RAB27B: variants seen among roughly 807,000 people sequenced by gnomAD.
The protein encoded by RAB27B is ras-related protein Rab-27B.
A neutral mutation model predicts 24.6 loss-of-function variants in RAB27B; 15 were observed. The observed-to-expected ratio is 0.61, with a 90% CI of 0.41 to 0.94. RAB27B has a LOEUF of 0.94. Ranked by LOEUF, RAB27B falls within the 40% of genes least tolerant of loss-of-function variation. RAB27B has a pLI of 0.00. For missense variants in RAB27B, 261 were observed against 266.8 expected, an observed-to-expected ratio of 0.98 and a Z score of 0.15; for synonymous variants, 105 against 92.5, an observed-to-expected ratio of 1.14 and a Z score of -0.78.
At chr18:54,869,585 T>A (rs573519035) in intron 1 of RAB27B, among the ~76,000 whole-genome samples, 6 of 152,242 alleles carry the variant, frequency 3.9e-5, no homozygotes, top group African/African-American at 1.2e-4. Context: ...AGCAGAATTG[T>A]GGGTGTGATT....
rs1263425575 is a variant in RAB27B, at chr18:54,770,724, TC to T, written c.-20+52584del. Among the ~76,000 whole-genome samples, 2 of 152,074 alleles carry T rather than the reference TC, an allele frequency of 1.3e-5. 1 individual carries two copies. Among genetic ancestry groups the T allele is most frequent in the Admixed American group, 1.3e-4 (2 of 15,274 alleles). ...ATCTATTTCTAGTCTCAGTTCTGTT[TC>T]TTTGATCTTTTTTTTTTCCTATTGC... is the stretch of plus-strand genomic sequence containing the variant. On this transcript the variant is annotated intron_variant, in intron 2 of 4. Transcript: ENST00000586570.
intron 1 of RAB27B, among the ~76,000 whole-genome samples, chr18:54,838,822 T>C (rs561178524): frequency 1.3e-5 from 2 of 152,284 alleles, no homozygotes; most frequent in South Asian, 4.1e-4. Context: ...TGGCTACTTA[T>C]ATTATTCACT....
At chr18:54,833,724 G>A (rs544082306) in intron 1 of RAB27B, among the ~76,000 whole-genome samples, 8 of 152,302 alleles carry the variant, frequency 5.3e-5, no homozygotes, top group African/African-American at 1.9e-4. Context: ...GAGACCTAAA[G>A]GTTGCCTGGT....
chr18:54,774,177 T>A (rs889755236), intron 2 of RAB27B, among the ~76,000 whole-genome samples: 4 of 152,172 alleles, frequency 2.6e-5, no homozygotes, highest in Admixed American at 1.3e-4. Flanking sequence ...CAACAAGTGA[T>A]GGTAAGAGAC....
intron 2 of RAB27B, among the ~76,000 whole-genome samples, chr18:54,723,589 T>C (rs117153457): frequency 0.027 from 4,175 of 152,276 alleles, 79 homozygotes; most frequent in Non-Finnish European, 0.041. Context: ...ATTAAGATTG[T>C]ATAATTCTGA....
intron 2 of RAB27B, among the ~76,000 whole-genome samples, chr18:54,757,417 G>A (rs945759992): frequency 3.3e-5 from 5 of 152,090 alleles, no homozygotes; most frequent in African/African-American, 4.8e-5. Flanking sequence ...TCTAAACTTC[G>A]CAATTATCAT....
At chr18:54,888,445 T>G (rs1913235292) in intron 5 of RAB27B, among the ~76,000 whole-genome samples, 1 of 152,088 alleles carries the variant, frequency 6.6e-6, no homozygotes, top group Admixed American at 6.6e-5. Context: ...CCCCACACAG[T>G]TAGTGACAGG....
chr18:54,843,050 G>T (rs1911180035), intron 1 of RAB27B, among the ~76,000 whole-genome samples: 1 of 152,038 alleles, frequency 6.6e-6, no homozygotes, highest in Non-Finnish European at 1.5e-5. Flanking sequence ...CCCGCCTCAG[G>T]CTCCCAAAGT....
In RAB27B at chr18:54,835,717, C is replaced by T. The variant is rs541563893; in HGVS notation, c.-20+7017C>T. On this transcript the variant is annotated intron_variant, in intron 1 of 5. Coordinates refer to ENST00000262094, the MANE Select transcript of RAB27B (RefSeq NM_004163.4). ...GAAGCAAGATGCTAGTTGATGAAGCCTGCATAGCAGTAATAGTAATAAGAT... is the reference window on the plus strand; with the variant it reads ...GAAGCAAGATGCTAGTTGATGAAGCTTGCATAGCAGTAATAGTAATAAGAT... 1.4e-3 allele frequency among the ~76,000 whole-genome samples: 209 copies of T among 152,080 alleles called. 5 individuals are homozygous for T. The highest frequency in any genetic ancestry group is 4.9e-3 in the African/African-American group (201 of 41,372).
intron 2 of RAB27B, among the ~76,000 whole-genome samples, chr18:54,793,095 AGT>A (rs1491361832): frequency 1.0e-4 from 4 of 39,050 alleles, no homozygotes; most frequent in Non-Finnish European, 2.7e-4. Flanking sequence ...CATCAACTGT[AGT>A]TTTTTTTTTT....
intron 2 of RAB27B, among the ~76,000 whole-genome samples, chr18:54,771,191 G>T (rs1350023496): frequency 1.3e-5 from 2 of 152,160 alleles, no homozygotes; most frequent in Non-Finnish European, 2.9e-5. Flanking sequence ...GGCACTGAAA[G>T]AAGAGTCATT....
chr18:54,725,485 G>A (rs1338995682), intron 2 of RAB27B, among the ~76,000 whole-genome samples: 2 of 151,468 alleles, frequency 1.3e-5, no homozygotes, highest in Non-Finnish European at 3.0e-5. Flanking sequence ...TCTTTAAAAG[G>A]TAATGTTTGT....
intron 2 of RAB27B, among the ~76,000 whole-genome samples, chr18:54,735,622 T>G (rs964435850): frequency 6.6e-6 from 1 of 152,086 alleles, no homozygotes; most frequent in Non-Finnish European, 1.5e-5. Context: ...AAGCAATTCT[T>G]CTGCTGCAGC....
chr18:54,875,485 C>T (rs747819655), intron 1 of RAB27B, among the ~76,000 whole-genome samples: 11 of 151,816 alleles, frequency 7.2e-5, no homozygotes, highest in South Asian at 2.1e-4. Flanking sequence ...TTAAGGAAGA[C>T]GGGTCTTGAT....
In RAB27B at chr18:54,733,656, C is replaced by CCT. The variant is rs1555651344; in HGVS notation, c.-20+15516_-20+15517insTC. 4.5e-5 allele frequency among the ~76,000 whole-genome samples: 6 copies of CCT among 134,040 alleles called. 1 individual carries two copies. The highest frequency in any genetic ancestry group is 9.9e-5 in the Non-Finnish European group (6 of 60,448). 87.9% of individuals were successfully genotyped at this position (134,040 alleles called of 152,430 possible). ...TGAAATCTTCTGTTCTAGAGCCCCC[C>CCT]CCCCCCAAATTTGCTAAGCTCCTTG... is the stretch of plus-strand genomic sequence containing the variant. On this transcript the variant is annotated intron_variant, in intron 2 of 4. Transcript: ENST00000586570.
intron 2 of RAB27B, among the ~76,000 whole-genome samples, chr18:54,794,186 A>T (rs1909341144): frequency 6.6e-6 from 1 of 152,206 alleles, no homozygotes; most frequent in Admixed American, 6.5e-5. Flanking sequence ...ATTGGTTATG[A>T]GAATTAAGTA....
intron 2 of RAB27B, among the ~76,000 whole-genome samples, chr18:54,723,925 T>A (rs990418994): frequency 2.0e-5 from 3 of 152,216 alleles, no homozygotes; most frequent in Non-Finnish European, 4.4e-5. Flanking sequence ...AATATAAATA[T>A]ATTTTTTCAT....
In RAB27B at chr18:54,726,621, C is replaced by T. The variant is rs1260838903; in HGVS notation, c.-20+8480C>T. ...AAACACACAAAAAGGCCATTTTACC[C>T]ATATTTTGAAGGGCACATAGGTTTA... is the stretch of plus-strand genomic sequence containing the variant. On this transcript the variant is annotated intron_variant, in intron 2 of 4. Coordinates refer to the RAB27B transcript ENST00000586570. Among the ~76,000 whole-genome samples the T allele has an allele frequency of 3.3e-5, 5 of 151,596 alleles. 1 individual carries two copies. Among genetic ancestry groups the T allele is most frequent in the Admixed American group, 3.3e-4 (5 of 15,196 alleles).
chr18:54,790,704 G>T (rs1909221967), intron 2 of RAB27B, among the ~76,000 whole-genome samples: 1 of 152,048 alleles, frequency 6.6e-6, no homozygotes, highest in Non-Finnish European at 1.5e-5. Context: ...ATAGCTATGT[G>T]TAGTATATTT....
Sources: gnomAD v4.1 joint callset for allele counts (sites outside exome capture counted in the v4.1 genomes callset) on GRCh38, gnomAD v4.1.1 for gene constraint, MANE v1.5 for transcripts, NCBI Gene and HGNC (gene_info 2026-07-23, HGNC 2026-07-21) for gene names.